Variants in ARGFX observed in about 807,000 individuals in gnomAD.
ARGFX encodes the protein arginine-fifty homeobox.
ARGFX carries 10 observed loss-of-function variants against 8.0 expected under a neutral mutation model. The ratio of observed to expected loss-of-function variants is 1.25; its 90% CI spans 0.77 to 2.12. The LOEUF (loss-of-function observed/expected upper bound fraction) is 2.12, where lower values mean the gene tolerates loss of function less well. Among genes scored for constraint, ARGFX ranks in the 30% most tolerant of loss-of-function variants. The pLI is 0.00. For synonymous variants in ARGFX, 116 were observed against 117.8 expected (o/e 0.98, Z 0.10); for missense variants, 282 against 324.3 (o/e 0.87, Z 1.00).
In ARGFX at chr3:121,567,995, C is replaced by T. The variant is rs1201983050; in HGVS notation, c.-31C>T. On this transcript the variant is annotated 5_prime_UTR_variant, in exon 1 of 5. Transcript: ENST00000334384. ...CCACGTAGGACTGAAAATGGTTACT[C>T]TAAGGGGATTCGTGACAGGTAAGCA... Among the ~76,000 whole-genome samples, 1 of 151,976 alleles carries T rather than the reference C, an allele frequency of 6.6e-6. No homozygotes were observed. Among genetic ancestry groups the T allele is most frequent in the African/African-American group, 2.4e-5 (1 of 41,370 alleles).
Position 121,586,299 on chromosome 3 carries a change from C to G in ARGFX, c.647C>G (p.Ser216Trp), listed in dbSNP as rs112431334. 1 of 1,614,084 alleles carries G rather than the reference C, an allele frequency of 6.2e-7. No individual in the cohort carries two copies. Among genetic ancestry groups the G allele is most frequent in the African/African-American group, 1.3e-5 (1 of 74,926 alleles). The change falls in exon 5 of 5, where the codon TCG becomes TGG. Residue 216 changes from serine to tryptophan, a missense_variant. Coordinates refer to ENST00000334384, the MANE Select transcript of ARGFX (RefSeq NM_001012659.2). ...ACTCAGTGGGAGAGGCTGGTGGCCT[C>G]GGTTCCTGCTTTGTACTCTGATGCC... Reference protein sequence around the residue: ...QDTQWERLVASVPALYSDAYD... With the variant: ...QDTQWERLVAWVPALYSDAYD...
chr3:121,578,644 T>C (rs532098117), intron 3 of ARGFX, among the ~76,000 whole-genome samples: 2 of 151,562 alleles, frequency 1.3e-5, no homozygotes, highest in South Asian at 4.2e-4. Flanking sequence ...AGGTTCATAA[T>C]CACATTCCTA....
At chr3:121,573,487 GAAAAA>G (rs372853710) in intron 2 of ARGFX, among the ~76,000 whole-genome samples, 1 of 140,130 alleles carries the variant, frequency 7.1e-6, no homozygotes, top group African/African-American at 2.6e-5. Flanking sequence ...TCTCAAAAAA[GAAAAA>G]AAAAAGTAAA....
At chr3:121,575,166 A>G (rs1034674386) in intron 2 of ARGFX, among the ~76,000 whole-genome samples, 3 of 152,122 alleles carry the variant, frequency 2.0e-5, no homozygotes, top group African/African-American at 4.8e-5. Context: ...CTAAAAATAC[A>G]AAAATTAGCT....
chr3:121,582,188 G>A (rs997428515), intron 3 of ARGFX, among the ~76,000 whole-genome samples: 5 of 152,280 alleles, frequency 3.3e-5, no homozygotes, highest in Admixed American at 3.3e-4. Context: ...ACCCCTATGG[G>A]ATGAGTGTGG....
chr3:121,587,353 A>T lies in ARGFX; in HGVS notation c.*753A>T, dbSNP rs570101859. 2.4e-4 allele frequency among the ~76,000 whole-genome samples: 37 copies of T among 151,774 alleles called. No homozygotes were observed. Among genetic ancestry groups the T allele is most frequent in the Non-Finnish European group, 5.2e-4 (35 of 67,932 alleles). ...AGACATGAGCCACCGAGCCTGGCCAATTTTTGTGTTTTTTGTAGAGACGAG... is the reference window on the plus strand; with the variant it reads ...AGACATGAGCCACCGAGCCTGGCCATTTTTTGTGTTTTTTGTAGAGACGAG... On this transcript the variant is annotated 3_prime_UTR_variant, in exon 5 of 5. Transcript: ENST00000334384.
At chr3:121,572,946 T>C (rs1395930047) in intron 2 of ARGFX, among the ~76,000 whole-genome samples, 5 of 152,178 alleles carry the variant, frequency 3.3e-5, no homozygotes, top group Non-Finnish European at 7.3e-5. Context: ...AATATCCACA[T>C]GTGAAAGAAT....
In ARGFX at chr3:121,570,694, C is replaced by T; in HGVS notation, c.-12-8C>T. 2 of 1,563,482 alleles carry T rather than the reference C, an allele frequency of 1.3e-6. No individual in the cohort carries two copies. Among genetic ancestry groups the T allele is most frequent in the Admixed American group, 3.5e-5 (2 of 56,554 alleles). On this transcript the variant is annotated splice_region_variant and splice_polypyrimidine_tract_variant and intron_variant, in intron 1 of 4. Transcript: ENST00000334384. Reference sequence around the variant, plus strand: ...AGCATTCCCTATCTCATAGGCCTTCCATCTCAGATTTCAGAAACCATGAGG... The same window carrying T: ...AGCATTCCCTATCTCATAGGCCTTCTATCTCAGATTTCAGAAACCATGAGG...
In ARGFX at chr3:121,590,422, T is replaced by C. The variant is rs1437752440; in HGVS notation, c.*3822T>C. On this transcript the variant is annotated 3_prime_UTR_variant, in exon 5 of 5. Coordinates refer to ENST00000334384, the MANE Select transcript of ARGFX (RefSeq NM_001012659.2). ...GTGGGTTCCTGATAAAAGGATGAGTTCGGCCTTCTTCTTCCCCAAAATCTT... is the reference window on the plus strand; with the variant it reads ...GTGGGTTCCTGATAAAAGGATGAGTCCGGCCTTCTTCTTCCCCAAAATCTT... Among the ~76,000 whole-genome samples, 2 of 152,114 alleles carry C rather than the reference T, an allele frequency of 1.3e-5. No homozygotes were observed. Among genetic ancestry groups the C allele is most frequent in the Non-Finnish European group, 2.9e-5 (2 of 68,022 alleles).
intron 3 of ARGFX, among the ~76,000 whole-genome samples, chr3:121,578,287 C>T (rs1411788388): frequency 1.3e-5 from 2 of 152,116 alleles, no homozygotes; most frequent in Non-Finnish European, 1.5e-5. Flanking sequence ...GCCACCATAC[C>T]TGGCTAATTT....
At position 121,587,084 on chromosome 3, in the gene ARGFX, A is replaced by T. The variant is rs1031532554; in HGVS notation, c.*484A>T. 1.3e-5 allele frequency among the ~76,000 whole-genome samples: 2 copies of T among 151,196 alleles called. No individual in the cohort carries two copies. The highest frequency in any genetic ancestry group is 3.0e-5 in the Non-Finnish European group (2 of 67,774). ...TTTTTTTTTTGAGACTGAGTCTCGCACTGTCACCCAGGGTGGAGTGCAGTG... is the reference window on the plus strand; with the variant it reads ...TTTTTTTTTTGAGACTGAGTCTCGCTCTGTCACCCAGGGTGGAGTGCAGTG... On this transcript the variant is annotated 3_prime_UTR_variant, in exon 5 of 5. Transcript: ENST00000334384.
chr3:121,585,945 C>G, intron 4 of ARGFX, 77 bp from the exon 5 acceptor site: 1 of 1,366,420 alleles, frequency 7.3e-7, no homozygotes, highest in South Asian at 1.4e-5. Context: ...TATAACCTGG[C>G]TGTTTTCACT....
chr3:121,578,120 CTT>C (rs35072728), intron 3 of ARGFX, among the ~76,000 whole-genome samples: 80 of 113,078 alleles, frequency 7.1e-4, no homozygotes, highest in East Asian at 3.7e-3. Context: ...CCCTACCCCA[CTT>C]TTTTTTTTTT....
chr3:121,575,666 C>A (rs1297136668), intron 2 of ARGFX, among the ~76,000 whole-genome samples: 1 of 152,090 alleles, frequency 6.6e-6, no homozygotes, highest in East Asian at 1.9e-4. Context: ...GTAATCCCAG[C>A]ACTTTGGGAG....
At chr3:121,577,272 T>TA (rs1228734370) in intron 3 of ARGFX, among the ~76,000 whole-genome samples, 2 of 140,212 alleles carry the variant, frequency 1.4e-5, no homozygotes, top group Non-Finnish European at 3.1e-5. Flanking sequence ...TTTTTTTTTT[T>TA]AAATGGAGTC....
At position 121,586,590 on chromosome 3, in the gene ARGFX, G is replaced by A. The variant is rs1196486208; in HGVS notation, c.938G>A (p.Gly313Glu). ...FQKTSNMVDL[G>E]FL ...AAAACCTCCAATATGGTAGACTTGGGATTTCTCTGACCAGAGTACTAATAA... is the reference window on the plus strand; with the variant it reads ...AAAACCTCCAATATGGTAGACTTGGAATTTCTCTGACCAGAGTACTAATAA... The change falls in exon 5 of 5, where the codon GGA (glycine) becomes GAA (glutamate). Residue 313 changes from glycine to glutamate, a missense_variant. Gly to Glu is a moderately conservative substitution (Grantham distance 98). Transcript: ENST00000334384. The A allele has an allele frequency of 6.2e-7, 1 of 1,612,598 alleles. No homozygotes were observed. Among genetic ancestry groups the A allele is most frequent in the Non-Finnish European group, 8.5e-7 (1 of 1,179,224 alleles).
chr3:121,586,787 C>G lies in ARGFX; in HGVS notation c.*187C>G, dbSNP rs1224860906. Among the ~76,000 whole-genome samples the G allele has an allele frequency of 1.2e-4, 19 of 152,208 alleles. No individual in the cohort carries two copies. Among genetic ancestry groups the G allele is most frequent in the Non-Finnish European group, 1.5e-5 (1 of 68,038 alleles). Reference sequence around the variant, plus strand: ...TACGTAATCAGCCCCACAAGTCTCCCTGAGAAGCCTGCCTAGTCCCTTTCA... The same window carrying G: ...TACGTAATCAGCCCCACAAGTCTCCGTGAGAAGCCTGCCTAGTCCCTTTCA... On this transcript the variant is annotated 3_prime_UTR_variant, in exon 5 of 5. Transcript: ENST00000334384.
chr3:121,575,919 T>TA (rs5852271), intron 2 of ARGFX, among the ~76,000 whole-genome samples: 99,666 of 149,010 alleles, frequency 0.67, 33,345 homozygotes, highest in East Asian at 0.77. Context: ...TCTCAAACAT[T>TA]AAAAAAAAAG....
intron 1 of ARGFX, among the ~76,000 whole-genome samples, chr3:121,569,942 A>C (rs2048697592): frequency 2.0e-5 from 3 of 152,350 alleles, no homozygotes; most frequent in African/African-American, 7.2e-5. Context: ...CACCTTAACC[A>C]TATATATTAT....
Sources: gnomAD v4.1 joint callset for allele counts (sites outside exome capture counted in the v4.1 genomes callset) on GRCh38, gnomAD v4.1.1 for gene constraint, MANE v1.5 for transcripts, NCBI Gene and HGNC (gene_info 2026-07-23, HGNC 2026-07-21) for gene names.